The following PGM2L1 variants were observed in gnomAD, a reference collection of about 807,000 sequenced individuals.
The protein encoded by PGM2L1 is glucose 1,6-bisphosphate synthase.
PGM2L1 carries 35 observed loss-of-function variants against 73.4 expected under a neutral mutation model. The ratio of observed to expected loss-of-function variants is 0.48; its 90% confidence interval spans 0.36 to 0.63. The LOEUF is 0.63. Ranked by LOEUF, PGM2L1 falls within the 30% of genes least tolerant of loss-of-function variation. The probability of loss-of-function intolerance (pLI) is 0.00; values close to 1 mark genes in which losing one functional copy is unlikely to be tolerated. For missense variants in PGM2L1, 570 were observed against 742.0 expected (o/e 0.77, Z 2.69); for synonymous variants, 225 against 253.8 (o/e 0.89, Z 1.08).
At chr11:74,344,564 C>G (rs1214268008) in intron 9 of PGM2L1, among the ~76,000 whole-genome samples, 1 of 152,144 alleles carries the variant, frequency 6.6e-6, no homozygotes, top group East Asian at 1.9e-4. Flanking sequence ...TCCTAATTCA[C>G]CTTTCTACCT....
chr11:74,336,836 G>C, intron 13 of PGM2L1, 82 bp from the exon 14 acceptor site: 8 of 896,604 alleles, frequency 8.9e-6, no homozygotes, highest in Non-Finnish European at 1.3e-5. Flanking sequence ...TTTTTAAGAG[G>C]TCCTGATGGA....
intron 5 of PGM2L1, chr11:74,354,604 A>G: frequency 8.8e-7 from 1 of 1,138,364 alleles, no homozygotes; most frequent in Non-Finnish European, 1.3e-6. Context: ...CAAGTGCTCC[A>G]GGGGCTTTGG....
chr11:74,357,049 A>ATGTTTCACCC, intron 5 of PGM2L1, among the ~76,000 whole-genome samples: 1 of 152,180 alleles, frequency 6.6e-6, no homozygotes, highest in East Asian at 1.9e-4. Context: ...GGGTTTCACC[A>ATGTTTCACCC]TGTTAACCAG....
intron 8 of PGM2L1, among the ~76,000 whole-genome samples, chr11:74,346,270 C>CAAAAAAAAAAAAAAAAAAA (rs751742460): frequency 3.1e-4 from 18 of 57,888 alleles, no homozygotes; most frequent in Non-Finnish European, 5.2e-4. Flanking sequence ...ACTATGTCTC[C>CAAAAAAAAAAAAAAAAAAA]AAAAAAAAAA....
intron 1 of PGM2L1, among the ~76,000 whole-genome samples, chr11:74,397,183 T>C (rs1386512200): frequency 6.6e-6 from 1 of 152,240 alleles, no homozygotes; most frequent in East Asian, 1.9e-4. Flanking sequence ...CTTCTCTACT[T>C]CAACAAAGGT....
chr11:74,374,312 G>C (rs1273553499), intron 2 of PGM2L1, 103 bp downstream of exon 2: 27 of 954,062 alleles, frequency 2.8e-5, no homozygotes, highest in Non-Finnish European at 3.6e-5. Flanking sequence ...TCGATCTCTG[G>C]ACCTCGTGAT....
intron 5 of PGM2L1, among the ~76,000 whole-genome samples, chr11:74,353,919 G>GT (rs2134901272): frequency 6.9e-6 from 1 of 145,504 alleles, no homozygotes; most frequent in Admixed American, 6.8e-5. Flanking sequence ...AAACAAAACT[G>GT]TTCTGGAGGG....
chr11:74,358,251 G>GT (rs746504717), intron 5 of PGM2L1, among the ~76,000 whole-genome samples: 36 of 152,182 alleles, frequency 2.4e-4, no homozygotes, highest in Non-Finnish European at 4.9e-4. Context: ...GTGGGGACAA[G>GT]TGGGTATATG....
chr11:74,352,790 A>G (rs930692040), intron 5 of PGM2L1, among the ~76,000 whole-genome samples: 2 of 152,254 alleles, frequency 1.3e-5, no homozygotes, highest in Non-Finnish European at 2.9e-5. Flanking sequence ...GAAAAAAATA[A>G]TTAAAAAGCA....
chr11:74,341,777 G>A (rs1170020069), intron 12 of PGM2L1, among the ~76,000 whole-genome samples: 6 of 151,306 alleles, frequency 4.0e-5, no homozygotes, highest in Non-Finnish European at 8.8e-5. Flanking sequence ...AGGCAGAGTA[G>A]TACCATGGAT....
Position 74,347,280 on chromosome 11 carries a change from T to C in PGM2L1, c.807A>G (p.Gly269=). 1 of 1,611,826 alleles carries C rather than the reference T, an allele frequency of 6.2e-7. No homozygotes were observed. The highest frequency in any genetic ancestry group is 8.5e-7 in the Non-Finnish European group (1 of 1,178,922). ...TAAAAGCCAACTGCACATAGTCATGTCCGACCCCATGAAAAGATGTGTGCA... is the reference window on the plus strand; with the variant it reads ...TAAAAGCCAACTGCACATAGTCATGCCCGACCCCATGAAAAGATGTGTGCA... ...KFVHTSFHGV[G]HDYVQLAFKV... Residue 269 remains glycine (G), a synonymous_variant, in exon 7 of 14, where the codon GGA becomes GGG. Coordinates refer to ENST00000298198, the MANE Select transcript of PGM2L1 (RefSeq NM_173582.6).
At chr11:74,370,648 A>G (rs991245442) in intron 4 of PGM2L1, among the ~76,000 whole-genome samples, 4 of 152,196 alleles carry the variant, frequency 2.6e-5, no homozygotes, top group Non-Finnish European at 4.4e-5. Flanking sequence ...CAATGAATCA[A>G]TTTCTGAAAG....
At chr11:74,372,030 AC>A (rs1172290436) in intron 2 of PGM2L1, among the ~76,000 whole-genome samples, 1 of 152,070 alleles carries the variant, frequency 6.6e-6, no homozygotes, top group African/African-American at 2.4e-5. Flanking sequence ...CACATTTAAT[AC>A]CATGGAAATA....
chr11:74,371,565 A>C, intron 3 of PGM2L1, 146 bp downstream of exon 3: 1 of 581,070 alleles, frequency 1.7e-6, no homozygotes, highest in Non-Finnish European at 2.9e-6. Flanking sequence ...TTTTTCTTCT[A>C]TTTCAGCTTT....
At chr11:74,350,735 G>C (rs567816738) in intron 6 of PGM2L1, among the ~76,000 whole-genome samples, 16 of 152,230 alleles carry the variant, frequency 1.1e-4, no homozygotes, top group South Asian at 6.2e-4. Flanking sequence ...AAATTAGCCA[G>C]GCATGGTAGT....
chr11:74,382,487 T>G (rs2134944665), intron 1 of PGM2L1, among the ~76,000 whole-genome samples: 1 of 152,278 alleles, frequency 6.6e-6, no homozygotes, highest in Non-Finnish European at 1.5e-5. Flanking sequence ...GCACTGTATT[T>G]ACTATTTTTA....
Position 74,343,428 on chromosome 11 carries a change from A to T in PGM2L1, c.1219-12T>A, listed in dbSNP as rs781530029. The T allele has an allele frequency of 1.2e-6, 2 of 1,603,530 alleles. No homozygotes were observed. Among genetic ancestry groups the T allele is most frequent in the South Asian group, 2.3e-5 (2 of 88,272 alleles). ...CCTGGTAATGTTTCCTGAAATGCAG[A>T]GGAGGCCACTCTAGTTAAGTGACTG... On this transcript the variant is annotated splice_polypyrimidine_tract_variant and intron_variant, in intron 9 of 13. Transcript: ENST00000298198.
At chr11:74,365,104 A>T (rs1862634367) in intron 5 of PGM2L1, among the ~76,000 whole-genome samples, 1 of 150,204 alleles carries the variant, frequency 6.7e-6, no homozygotes, top group South Asian at 2.1e-4. Context: ...GACAAAAACA[A>T]GAAATGGGGA....
At chr11:74,349,944 T>C (rs980927057) in intron 6 of PGM2L1, among the ~76,000 whole-genome samples, 10 of 152,176 alleles carry the variant, frequency 6.6e-5, no homozygotes, top group South Asian at 6.2e-4. Flanking sequence ...CCTTAGGACA[T>C]ATCCCACTAG....
Sources: allele counts gnomAD v4.1 joint callset (sites outside exome capture counted in the v4.1 genomes callset), GRCh38; gene constraint gnomAD v4.1.1; transcripts MANE v1.5; gene names NCBI Gene and HGNC (gene_info 2026-07-23, HGNC 2026-07-21).